RBPMS: variants seen among roughly 807,000 people sequenced by gnomAD.
The protein encoded by RBPMS is RNA-binding protein with multiple splicing.
A neutral mutation model predicts 26.8 loss-of-function variants in RBPMS; 7 were observed. The observed-to-expected ratio is 0.26, with a 90% CI of 0.15 to 0.49. RBPMS has a LOEUF of 0.49. Among genes scored for constraint, RBPMS ranks in the 20% least tolerant of loss-of-function variants. The pLI is 0.98. For missense variants in RBPMS, 186 were observed against 250.0 expected, an observed-to-expected ratio of 0.74 and a Z score of 1.73; for synonymous variants, 96 against 93.3, an observed-to-expected ratio of 1.03 and a Z score of -0.17.
chr8:30,519,600 C>T (rs1178312084), intron 5 of RBPMS, among the ~76,000 whole-genome samples: 1 of 150,924 alleles, frequency 6.6e-6, no homozygotes, highest in African/African-American at 2.4e-5. Flanking sequence ...TCTCCTGCCT[C>T]AGCCTCCTGA....
chr8:30,482,151 C>A (rs1818345178), intron 4 of RBPMS, among the ~76,000 whole-genome samples: 1 of 152,198 alleles, frequency 6.6e-6, no homozygotes, highest in Non-Finnish European at 1.5e-5. Flanking sequence ...TAGGTATATT[C>A]TTTGTGATCC....
At chr8:30,472,077 A>T (rs1292898113) in intron 1 of RBPMS, among the ~76,000 whole-genome samples, 3 of 152,242 alleles carry the variant, frequency 2.0e-5, no homozygotes, top group East Asian at 3.8e-4. Flanking sequence ...AAAAAGAAAG[A>T]AAGTATACAT....
chr8:30,429,327 A>G (rs1005538648), intron 1 of RBPMS, among the ~76,000 whole-genome samples: 1 of 152,188 alleles, frequency 6.6e-6, no homozygotes, highest in Non-Finnish European at 1.5e-5. Context: ...TCTTAAGCAC[A>G]TGGCTTGCTT....
intron 1 of RBPMS, among the ~76,000 whole-genome samples, chr8:30,388,125 A>G (rs1334219495): frequency 1.3e-5 from 2 of 152,120 alleles, no homozygotes; most frequent in African/African-American, 2.4e-5. Context: ...TGTATTATAC[A>G]TGTGTGTTCC....
intron 1 of RBPMS, among the ~76,000 whole-genome samples, chr8:30,388,433 ATAACTTATAGCTATAGCTATAAGC>A (rs1563276037): frequency 4.8e-5 from 7 of 146,466 alleles, no homozygotes; most frequent in Non-Finnish European, 9.1e-5. Context: ...AAGCTAACTT[ATAACTTATAGCTATAGCTATAAGC>A]TAACTTATAA....
chr8:30,434,960 T>C (rs537037957), intron 1 of RBPMS, among the ~76,000 whole-genome samples: 1 of 152,228 alleles, frequency 6.6e-6, no homozygotes, highest in African/African-American at 2.4e-5. Context: ...GGAAGTGTTC[T>C]AAGACATATT....
At chr8:30,442,113 T>C (rs899477528) in intron 1 of RBPMS, among the ~76,000 whole-genome samples, 5 of 152,080 alleles carry the variant, frequency 3.3e-5, no homozygotes, top group African/African-American at 1.2e-4. Flanking sequence ...TGTTTCTTTT[T>C]GTATAGTCTT....
chr8:30,513,608 A>C (rs886381079), intron 5 of RBPMS, among the ~76,000 whole-genome samples: 7 of 113,454 alleles, frequency 6.2e-5, no homozygotes, highest in African/African-American at 2.3e-4. Context: ...AAAAAAAAAA[A>C]AAAAAAATCA....
At position 30,451,501 on chromosome 8, in the gene RBPMS, A is replaced by T. The variant is rs143378148; in HGVS notation, c.67-23278A>T. Among the ~76,000 whole-genome samples the T allele has an allele frequency of 3.8e-3, 582 of 152,250 alleles. 3 individuals are homozygous for T. The highest frequency in any genetic ancestry group is 0.031 in the Middle Eastern group (9 of 294). On this transcript the variant is annotated intron_variant, in intron 1 of 8. Coordinates refer to ENST00000397323, the MANE Select transcript of RBPMS (RefSeq NM_001008710.3). ...TGCTTTGCCCAGGAACTGAGTTGAG[A>T]TTCTGATAGATATGGATTATTATCT...
chr8:30,552,661 T>C (rs1197583030), intron 6 of RBPMS: 1 of 152,242 alleles, frequency 6.6e-6, no homozygotes, highest in African/African-American at 2.4e-5. Flanking sequence ...GGGTGTTACA[T>C]GCTTGGGTGC....
At chr8:30,506,961 G>A (rs1367438307) in intron 5 of RBPMS, among the ~76,000 whole-genome samples, 4 of 152,170 alleles carry the variant, frequency 2.6e-5, no homozygotes, top group Non-Finnish European at 4.4e-5. Flanking sequence ...CTGTCGTTCC[G>A]GGGAGGTGAT....
intron 6 of RBPMS, chr8:30,552,259 A>G (rs1233604216): frequency 6.6e-6 from 1 of 152,210 alleles, no homozygotes; most frequent in Non-Finnish European, 1.5e-5. Flanking sequence ...TCCGGAAAGT[A>G]TGTGAACTCT....
At chr8:30,539,928 A>G (rs1044343040) in intron 5 of RBPMS, among the ~76,000 whole-genome samples, 67 of 152,166 alleles carry the variant, frequency 4.4e-4, no homozygotes, top group African/African-American at 1.6e-3. Flanking sequence ...ATCTGGCCCA[A>G]ATGGTTGATT....
chr8:30,444,505 A>G (rs1371594312), intron 1 of RBPMS, among the ~76,000 whole-genome samples: 1 of 152,208 alleles, frequency 6.6e-6, no homozygotes, highest in Non-Finnish European at 1.5e-5. Flanking sequence ...CCTGGCATTT[A>G]GTAAGCACCC....
At chr8:30,550,244 T>C (rs1287815974) in intron 6 of RBPMS, among the ~76,000 whole-genome samples, 4 of 152,172 alleles carry the variant, frequency 2.6e-5, no homozygotes, top group African/African-American at 9.7e-5. Flanking sequence ...GCAAGAAATG[T>C]AGGGTGGAAA....
intron 5 of RBPMS, among the ~76,000 whole-genome samples, chr8:30,538,473 C>CT (rs911140142): frequency 2.0e-5 from 3 of 152,164 alleles, no homozygotes; most frequent in Non-Finnish European, 2.9e-5. Context: ...CCAGGCTGAT[C>CT]TTGAACTCCT....
At chr8:30,429,737 A>G (rs1811728410) in intron 1 of RBPMS, among the ~76,000 whole-genome samples, 1 of 152,116 alleles carries the variant, frequency 6.6e-6, no homozygotes, top group African/African-American at 2.4e-5. Flanking sequence ...AGCCCAATAA[A>G]TTGTGCTATT....
chr8:30,432,354 A>G (rs1812034762), intron 1 of RBPMS, among the ~76,000 whole-genome samples: 1 of 152,156 alleles, frequency 6.6e-6, no homozygotes, highest in Non-Finnish European at 1.5e-5. Flanking sequence ...TCATTTACAT[A>G]ATATTTTTTA....
intron 5 of RBPMS, among the ~76,000 whole-genome samples, chr8:30,517,210 G>GTGTA (rs997890237): frequency 5.3e-5 from 8 of 149,758 alleles, no homozygotes; most frequent in African/African-American, 2.0e-4. Context: ...GTGTGTGTGT[G>GTGTA]TGTGTGTGTG....
Sources: gnomAD v4.1 joint callset for allele counts (sites outside exome capture counted in the v4.1 genomes callset) on GRCh38, gnomAD v4.1.1 for gene constraint, MANE v1.5 for transcripts, NCBI Gene and HGNC (gene_info 2026-07-23, HGNC 2026-07-21) for gene names.